The following PTPRG variants were observed in gnomAD, a reference collection of about 807,000 sequenced individuals.
PTPRG encodes receptor-type tyrosine-protein phosphatase gamma.
PTPRG carries 102 observed loss-of-function variants against 165.3 expected under a neutral mutation model. The observed-to-expected ratio is 0.62, with a 90% confidence interval of 0.53 to 0.73. The LOEUF (loss-of-function observed/expected upper bound fraction) is 0.73. PTPRG is among the 30% of genes least tolerant of loss of function. PTPRG has a pLI of 0.00. For missense variants in PTPRG, 1,866 were observed against 1,861.4 expected (o/e 1.00, Z -0.05); for synonymous variants, 675 against 669.5 (o/e 1.01, Z -0.13).
chr3:61,777,788 G>A (rs1164735541), intron 2 of PTPRG, among the ~76,000 whole-genome samples: 2 of 152,142 alleles, frequency 1.3e-5, no homozygotes, highest in South Asian at 2.1e-4. Flanking sequence ...TCTAGATAAC[G>A]TGAAACATGG....
intron 5 of PTPRG, among the ~76,000 whole-genome samples, chr3:62,086,174 AT>A: frequency 6.6e-6 from 1 of 152,098 alleles, no homozygotes; most frequent in Non-Finnish European, 1.5e-5. Context: ...CATTCCTTTT[AT>A]TTATGGTGAC....
At chr3:62,288,905 C>CTGTT (rs1225137655) in intron 28 of PTPRG, among the ~76,000 whole-genome samples, 4 of 152,080 alleles carry the variant, frequency 2.6e-5, no homozygotes, top group African/African-American at 9.6e-5. Context: ...GCTTTGGTGT[C>CTGTT]TGTTTAACAT....
intron 3 of PTPRG, among the ~76,000 whole-genome samples, chr3:61,998,491 G>A (rs557907223): frequency 6.6e-6 from 1 of 152,294 alleles, no homozygotes; most frequent in African/African-American, 2.4e-5. Flanking sequence ...TACAGAATAG[G>A]AACGAAGGCA....
chr3:62,040,828 A>C (rs1700103432), intron 4 of PTPRG, among the ~76,000 whole-genome samples: 1 of 152,182 alleles, frequency 6.6e-6, no homozygotes, highest in Non-Finnish European at 1.5e-5. Flanking sequence ...AGCTGTGAAC[A>C]CACTTTGATT....
intron 14 of PTPRG, 147 bp downstream of exon 14, chr3:62,231,458 A>T: frequency 2.0e-6 from 1 of 499,258 alleles, no homozygotes; most frequent in Non-Finnish European, 3.3e-6. Context: ...CAAAAGTAAG[A>T]CTTGCAAATA....
At chr3:62,123,237 G>A (rs901764341) in intron 5 of PTPRG, among the ~76,000 whole-genome samples, 4 of 152,114 alleles carry the variant, frequency 2.6e-5, no homozygotes, top group African/African-American at 9.7e-5. Flanking sequence ...AGTTCCTCAA[G>A]GGCTATTTGA....
chr3:62,204,658 C>G (rs1029341438), intron 12 of PTPRG, among the ~76,000 whole-genome samples: 6 of 152,194 alleles, frequency 3.9e-5, no homozygotes, highest in African/African-American at 1.2e-4. Flanking sequence ...TCATGGAAAC[C>G]TACAGAATGA....
chr3:61,945,981 C>CTTGA (rs3069551), intron 2 of PTPRG, among the ~76,000 whole-genome samples: 48,185 of 151,710 alleles, frequency 0.32, 8,385 homozygotes, highest in East Asian at 0.52. Flanking sequence ...AGCCAACTTT[C>CTTGA]TTGATTGATT....
intron 1 of PTPRG, among the ~76,000 whole-genome samples, chr3:61,652,853 C>G (rs1328189209): frequency 6.6e-6 from 1 of 152,156 alleles, no homozygotes; most frequent in Admixed American, 6.5e-5. Flanking sequence ...GGGATTCTCC[C>G]CTAATAGAGA....
intron 1 of PTPRG, among the ~76,000 whole-genome samples, chr3:61,710,853 T>C (rs942956635): frequency 2.6e-5 from 4 of 152,114 alleles, no homozygotes; most frequent in Non-Finnish European, 4.4e-5. Flanking sequence ...GCATGTGCCA[T>C]GGTGGTTTGC....
intron 1 of PTPRG, among the ~76,000 whole-genome samples, chr3:61,638,224 T>G (rs1701968113): frequency 6.6e-6 from 1 of 152,212 alleles, no homozygotes; most frequent in Non-Finnish European, 1.5e-5. Flanking sequence ...ATTTTTTTCT[T>G]TTTAGTATTT....
At chr3:61,703,616 A>C (rs2031094044) in intron 1 of PTPRG, among the ~76,000 whole-genome samples, 2 of 152,138 alleles carry the variant, frequency 1.3e-5, no homozygotes, top group Admixed American at 6.5e-5. Context: ...TGCCTCGCTC[A>C]TTTGTAAAGT....
intron 2 of PTPRG, among the ~76,000 whole-genome samples, chr3:61,842,848 A>G (rs11716455): frequency 3.9e-5 from 6 of 151,998 alleles, no homozygotes; most frequent in Non-Finnish European, 8.8e-5. Flanking sequence ...GGAGGGGAGC[A>G]TACTGACTCA....
chr3:61,893,773 A>G (rs73842124), intron 2 of PTPRG, among the ~76,000 whole-genome samples: 201 of 152,324 alleles, frequency 1.3e-3, no homozygotes, highest in African/African-American at 4.5e-3. Flanking sequence ...TGGATTCTTG[A>G]GCGGGGGCAT....
intron 1 of PTPRG, among the ~76,000 whole-genome samples, chr3:61,740,307 T>C (rs2032926959): frequency 2.0e-5 from 3 of 152,204 alleles, no homozygotes; most frequent in African/African-American, 4.8e-5. Context: ...TGATATTTGA[T>C]GCCGTGAGCC....
intron 1 of PTPRG, among the ~76,000 whole-genome samples, chr3:61,618,975 CAAAAAAAAAAA>C (rs57427703): frequency 8.2e-5 from 6 of 72,950 alleles, no homozygotes; most frequent in African/African-American, 1.6e-4. Flanking sequence ...GATCCTGTCT[CAAAAAAAAAAA>C]AAAAAAAAAA....
intron 1 of PTPRG, among the ~76,000 whole-genome samples, chr3:61,654,355 G>A (rs1373570086): frequency 6.6e-6 from 1 of 152,050 alleles, no homozygotes; most frequent in East Asian, 1.9e-4. Flanking sequence ...CTGTTGTTAG[G>A]TGAATATATA....
At chr3:61,986,998 C>T (rs2040778626) in intron 2 of PTPRG, among the ~76,000 whole-genome samples, 1 of 152,020 alleles carries the variant, frequency 6.6e-6, no homozygotes, top group South Asian at 2.1e-4. Context: ...TCTTGTGGAA[C>T]TGCAAATGAT....
At chr3:62,231,409 T>A in intron 14 of PTPRG, 98 bp downstream of exon 14, 1 of 917,704 alleles carries the variant, frequency 1.1e-6, no homozygotes, top group Non-Finnish European at 1.5e-6. Flanking sequence ...GTCTTGTAGA[T>A]GGCACAGTGC....
Sources: allele counts gnomAD v4.1 joint callset (sites outside exome capture counted in the v4.1 genomes callset), GRCh38; gene constraint gnomAD v4.1.1; transcripts MANE v1.5; gene names NCBI Gene and HGNC (gene_info 2026-07-23, HGNC 2026-07-21).